LRRC15: variants seen among roughly 807,000 people sequenced by gnomAD.
The protein encoded by LRRC15 is leucine-rich repeat-containing protein 15.
A neutral mutation model predicts 4.3 loss-of-function variants in LRRC15; 5 were observed. The observed-to-expected ratio is 1.16, with a 90% CI of 0.61 to 2.44. The LOEUF (loss-of-function observed/expected upper bound fraction) is 2.44, where lower values mean the gene tolerates loss of function less well. LRRC15 is among the 30% of genes most tolerant of loss of function. LRRC15 has a pLI of 0.01. For synonymous variants in LRRC15, 337 were observed against 323.2 expected (o/e 1.04, Z -0.46); for missense variants, 769 against 747.0 (o/e 1.03, Z -0.34).
rs151033378 is a variant in LRRC15 at position 194,359,433 on chromosome 3, G to A, written c.1611C>T (p.Ser537=). ...TTACAATGGCGGCAATGGCCAGCCC[G>A]CTCTGGGCCTGGGTCATGCCCCAAA... The part of the protein sequence containing the change: ...RSVWGMTQAQ[S]GLAIAAIVIG... Residue 537 remains serine, a synonymous_variant, in exon 2 of 2, where the codon AGC becomes AGT. Transcript: ENST00000347624. The A allele has an allele frequency of 8.7e-5, 141 of 1,614,232 alleles. 1 individual carries two copies. The highest frequency in any genetic ancestry group is 7.7e-4 in the African/African-American group (58 of 75,064).
At chr3:194,367,944 C>G (rs1448775903) in intron 1 of LRRC15, among the ~76,000 whole-genome samples, 2 of 152,254 alleles carry the variant, frequency 1.3e-5, no homozygotes, top group Non-Finnish European at 2.9e-5. Context: ...GCAGGACTGT[C>G]ATTAGCCTGG....
At chr3:194,363,282 G>T in intron 1 of LRRC15, 2 of 663,230 alleles carry the variant, frequency 3.0e-6, no homozygotes, top group South Asian at 3.4e-5. Context: ...TGGAAGCCCT[G>T]ACCTGCTATA....
chr3:194,365,754 G>A (rs1459421575), intron 1 of LRRC15, among the ~76,000 whole-genome samples: 2 of 152,174 alleles, frequency 1.3e-5, no homozygotes, highest in African/African-American at 2.4e-5. Flanking sequence ...GAGGCCTGAG[G>A]AACTCATGCC....
intron 1 of LRRC15, among the ~76,000 whole-genome samples, chr3:194,366,521 G>A (rs149492672): frequency 3.3e-5 from 5 of 152,254 alleles, no homozygotes; most frequent in Non-Finnish European, 5.9e-5. Flanking sequence ...GAAACACCAC[G>A]TGAGGTCTAG....
At chr3:194,362,138 ATGTGTG>A (rs912037784) in intron 1 of LRRC15, among the ~76,000 whole-genome samples, 1 of 123,008 alleles carries the variant, frequency 8.1e-6, no homozygotes, top group Non-Finnish European at 1.7e-5. Context: ...GTGTGTGTGT[ATGTGTG>A]TGTGTGTGTG....
Position 194,361,102 on chromosome 3 carries a change from G to A in LRRC15, c.-3-56C>T, listed in dbSNP as rs1009989266. On this transcript the variant is annotated intron_variant, in intron 1 of 1. Coordinates refer to ENST00000347624, the MANE Select transcript of LRRC15 (RefSeq NM_130830.5). Reference sequence around the variant, plus strand: ...AGGGTCCTCTACCTGACACTGGCAAGTTTTAAGCCAACATCAACTCCAGTG... The same window carrying A: ...AGGGTCCTCTACCTGACACTGGCAAATTTTAAGCCAACATCAACTCCAGTG... 7.8e-6 allele frequency: 11 copies of A among 1,418,168 alleles called. No individual in the cohort carries two copies. In the African/African-American group the frequency reaches 1.4e-4, roughly 18 times the overall value. 87.8% of individuals were successfully genotyped at this position (1,418,168 alleles called of 1,614,324 possible).
rs780473344 is a variant in LRRC15 at position 194,362,500 on chromosome 3, C to T, written c.-3-1454G>A. ...ATTTCTGTGTATATGTGAGAGTATCCGCAACTTCCACCAAAGGTTCAAAGG... is the reference window on the plus strand; with the variant it reads ...ATTTCTGTGTATATGTGAGAGTATCTGCAACTTCCACCAAAGGTTCAAAGG... On this transcript the variant is annotated intron_variant, in intron 1 of 1. Transcript: ENST00000347624. 9.9e-5 allele frequency among the ~76,000 whole-genome samples: 15 copies of T among 152,196 alleles called. 1 individual carries two copies. The highest frequency in any genetic ancestry group is 1.8e-4 in the Non-Finnish European group (12 of 68,012).
intron 1 of LRRC15, among the ~76,000 whole-genome samples, chr3:194,362,972 C>T (rs1442433598): frequency 6.5e-5 from 9 of 138,708 alleles, no homozygotes; most frequent in Admixed American, 4.6e-4. Context: ...GATGGAGTCT[C>T]GCTCTGTCCC....
rs146415750 is a variant in LRRC15, at chr3:194,360,803, C to T, written c.241G>A (p.Ala81Thr). 83 of 1,614,054 alleles carry T rather than the reference C, an allele frequency of 5.1e-5. No individual in the cohort carries two copies. Among genetic ancestry groups the T allele is most frequent in the African/African-American group, 3.3e-4 (25 of 74,912 alleles). ...SPFLNISALI[A>T]LRIEKNELSR... ...AGCTCATTCTTCTCAATCCTCAGGGCGATGAGGGCTGAGATATTGAGGAAC... is the reference window on the plus strand; with the variant it reads ...AGCTCATTCTTCTCAATCCTCAGGGTGATGAGGGCTGAGATATTGAGGAAC... The change falls in exon 2 of 2, where the codon GCC becomes ACC. Residue 81 changes from alanine (A) to threonine (T), a missense_variant. By Grantham distance (58) the Ala-to-Thr change is moderately conservative. Coordinates refer to ENST00000347624, the MANE Select transcript of LRRC15 (RefSeq NM_130830.5).
At position 194,356,517 on chromosome 3, in the gene LRRC15, T is replaced by C. The variant is rs896551851; in HGVS notation, c.*2781A>G. ...GCCAGACAACATGGTGCAGAGAGGT[T>C]GAAGGGCCCGCTGAAGAAAAGGAGG... On this transcript the variant is annotated 3_prime_UTR_variant, in exon 2 of 2. Coordinates refer to ENST00000347624, the MANE Select transcript of LRRC15 (RefSeq NM_130830.5). The C allele has an allele frequency of 1.3e-5, 2 of 152,242 alleles. No homozygotes were observed. Among genetic ancestry groups the C allele is most frequent in the African/African-American group, 4.8e-5 (2 of 41,444 alleles). The allele number at this position is 152,242 out of a possible 1,614,324, so 9.4% of individuals were successfully genotyped here.
intron 1 of LRRC15, among the ~76,000 whole-genome samples, chr3:194,367,459 A>G (rs1327150617): frequency 2.0e-5 from 3 of 152,158 alleles, no homozygotes; most frequent in Non-Finnish European, 4.4e-5. Flanking sequence ...GGTGCCCGCC[A>G]CCACACCCGG....
rs905311116 is a variant in LRRC15 at position 194,356,837 on chromosome 3, G to C, written c.*2461C>G. 2 of 152,306 alleles carry C rather than the reference G, an allele frequency of 1.3e-5. No individual in the cohort carries two copies. The highest frequency in any genetic ancestry group is 2.9e-5 in the Non-Finnish European group (2 of 68,074). The allele number at this position is 152,306 out of a possible 1,614,324, so 9.4% of individuals were successfully genotyped here. On this transcript the variant is annotated 3_prime_UTR_variant, in exon 2 of 2. Coordinates refer to ENST00000347624, the MANE Select transcript of LRRC15 (RefSeq NM_130830.5). ...AAAGACATCTGGAGGCCACTCACAGGAGCACCCGACAGGTCTGTGGGCAAA... is the reference window on the plus strand; with the variant it reads ...AAAGACATCTGGAGGCCACTCACAGCAGCACCCGACAGGTCTGTGGGCAAA...
intron 1 of LRRC15, among the ~76,000 whole-genome samples, chr3:194,364,500 T>C (rs1713721286): frequency 6.6e-6 from 1 of 152,154 alleles, no homozygotes; most frequent in African/African-American, 2.4e-5. Flanking sequence ...CAGGGCAATC[T>C]TGAGTTTCCC....
intron 1 of LRRC15, among the ~76,000 whole-genome samples, chr3:194,362,499 C>T (rs1291405274): frequency 6.6e-6 from 1 of 152,156 alleles, no homozygotes; most frequent in Non-Finnish European, 1.5e-5. Flanking sequence ...GTGAGAGTAT[C>T]CGCAACTTCC....
In LRRC15 at chr3:194,359,578, C is replaced by T. The variant is rs778207220; in HGVS notation, c.1466G>A (p.Trp489Ter). Reference sequence around the variant, plus strand: ...AGGGTAACTGGGTGTGTCTGGGTACCATGGTGTTTCTGGGTAACTAGGCAC... The same window carrying T: ...AGGGTAACTGGGTGTGTCTGGGTACTATGGTGTTTCTGGGTAACTAGGCAC... ...PEVPSYPETP[W>*]YPDTPSYPDT... Residue 489 changes from tryptophan to a stop codon, truncating the protein, a stop_gained, in exon 2 of 2, where the codon TGG (tryptophan) becomes TAG (stop). Transcript: ENST00000347624. LOFTEE classifies it high-confidence loss of function. 6 of 1,613,698 alleles carry T rather than the reference C, an allele frequency of 3.7e-6. No homozygotes were observed. The Admixed American group carries it at 5.0e-5, about 13-fold the overall frequency.
At chr3:194,367,473 AT>A (rs1319462752) in intron 1 of LRRC15, among the ~76,000 whole-genome samples, 2 of 151,908 alleles carry the variant, frequency 1.3e-5, no homozygotes, top group Admixed American at 1.3e-4. Flanking sequence ...CACCCGGCTA[AT>A]TTTTTGTATT....
rs572767137 is a variant in LRRC15, at chr3:194,359,556, G to A, written c.1488C>T (p.Tyr496=). The A allele has an allele frequency of 6.2e-7, 1 of 1,614,110 alleles. No individual in the cohort carries two copies. Among genetic ancestry groups the A allele is most frequent in the South Asian group, 1.1e-5 (1 of 91,054 alleles). Residue 496 remains tyrosine, a synonymous_variant, in exon 2 of 2, where the codon TAC becomes TAT. Transcript: ENST00000347624. Reference sequence around the variant, plus strand: ...TAGAAGAGACGGATGTGGTGTCAGGGTAACTGGGTGTGTCTGGGTACCATG... The same window carrying A: ...TAGAAGAGACGGATGTGGTGTCAGGATAACTGGGTGTGTCTGGGTACCATG... ...ETPWYPDTPS[Y]PDTTSVSSTT... is the part of the protein sequence containing the mutation.
chr3:194,361,000 G>T lies in LRRC15; in HGVS notation c.44C>A (p.Ala15Asp). Residue 15 changes from alanine (A) to aspartate (D), a missense_variant, in exon 2 of 2, where the codon GCC becomes GAC. By Grantham distance (126) the Ala-to-Asp change is moderately radical. Transcript: ENST00000347624. The part of the protein sequence containing the change: ...HYLLLLVGCQ[A>D]WGAGLAYHGC... ...ATGGTAGGCCAACCCTGCACCCCAGGCTTGGCAGCCCACCAGCAAAAGGAG... is the reference window on the plus strand; with the variant it reads ...ATGGTAGGCCAACCCTGCACCCCAGTCTTGGCAGCCCACCAGCAAAAGGAG... 2 of 1,526,488 alleles carry T rather than the reference G, an allele frequency of 1.3e-6. No homozygotes were observed. The highest frequency in any genetic ancestry group is 1.7e-6 in the Non-Finnish European group (2 of 1,144,226). 94.6% of individuals were successfully genotyped at this position (1,526,488 alleles called of 1,614,324 possible). A position where few individuals can be genotyped will look rare whatever the true frequency, so the allele number is the denominator to read the frequency against.
In LRRC15 at chr3:194,362,126, C is replaced by CTGTGTGTGTGTG. The variant is rs151091397; in HGVS notation, c.-3-1081_-3-1080insCACACACACACA. Among the ~76,000 whole-genome samples, 713 of 151,574 alleles carry CTGTGTGTGTGTG rather than the reference C, an allele frequency of 4.7e-3. 9 individuals carry two copies. Among genetic ancestry groups the CTGTGTGTGTGTG allele is most frequent in the African/African-American group, 0.013 (553 of 41,196 alleles). ...TCACTGATGACAATGACATATATAA[C>CTGTGTGTGTGTG]TGTGTGTGTGTATGTGTGTGTGTGT... On this transcript the variant is annotated intron_variant, in intron 1 of 1. Transcript: ENST00000347624.
Sources: gnomAD v4.1 joint callset for allele counts (sites outside exome capture counted in the v4.1 genomes callset) on GRCh38, gnomAD v4.1.1 for gene constraint, MANE v1.5 for transcripts, NCBI Gene and HGNC (gene_info 2026-07-23, HGNC 2026-07-21) for gene names.